KCTD1: variants seen among roughly 807,000 people sequenced by gnomAD.
KCTD1 encodes potassium channel tetramerization domain containing 1.
KCTD1 carries 24 observed loss-of-function variants against 66.0 expected under a neutral mutation model. That is an observed-to-expected ratio of 0.36 (90% CI 0.26 to 0.51). KCTD1 has a LOEUF of 0.51. Among genes scored for constraint, KCTD1 ranks in the 20% least tolerant of loss-of-function variants. The pLI, the probability that KCTD1 is intolerant of heterozygous loss-of-function variation, is 0.95. For synonymous variants in KCTD1, 511 were observed against 517.2 expected, an observed-to-expected ratio of 0.99 and a Z score of 0.16; for missense variants, 943 against 1,205.2, an observed-to-expected ratio of 0.78 and a Z score of 3.22.
intron 1 of KCTD1, among the ~76,000 whole-genome samples, chr18:26,615,280 G>C (rs1441648182): frequency 6.6e-6 from 1 of 152,158 alleles, no homozygotes; most frequent in Non-Finnish European, 1.5e-5. Flanking sequence ...CCAAACCTGT[G>C]AGTCAGGTGA....
intron 4 of KCTD1, chr18:26,457,735 C>T (rs1980170867): frequency 1.3e-5 from 2 of 152,220 alleles, no homozygotes; most frequent in African/African-American, 4.8e-5. Flanking sequence ...CACACAACAA[C>T]TTAGTGAGGT....
intron 1 of KCTD1, among the ~76,000 whole-genome samples, chr18:26,601,665 A>G (rs1337151191): frequency 6.6e-6 from 1 of 152,146 alleles, no homozygotes; most frequent in Non-Finnish European, 1.5e-5. Context: ...TGCCTTTCCA[A>G]TTCTTTAGGT....
chr18:26,629,943 C>A (rs1598975058), upstream of KCTD1, among the ~76,000 whole-genome samples: 5 of 152,212 alleles, frequency 3.3e-5, no homozygotes, highest in Admixed American at 3.3e-4. Flanking sequence ...GTTCTAACTC[C>A]TGGAGCTTGG....
Position 26,547,115 on chromosome 18 carries a change from G to T in KCTD1, c.1422C>A (p.Pro474=). 6.5e-7 allele frequency: 1 copy of T among 1,549,716 alleles called. No homozygotes were observed. The highest frequency in any genetic ancestry group is 8.7e-7 in the Non-Finnish European group (1 of 1,146,848). The part of the protein sequence containing the change: ...IAGIGTKLGS[P]APQGCYAEAL... ...CCTCGGCGTAGCAGCCCTGCGGGGC[G>T]GGCGAGCCCAGCTTGGTGCCAATGC... Residue 474 remains proline, a synonymous_variant, in exon 1 of 5, where the codon CCC becomes CCA. Transcript: ENST00000580059.
upstream of KCTD1, among the ~76,000 whole-genome samples, chr18:26,641,110 G>C (rs932922331): frequency 6.6e-6 from 1 of 152,130 alleles, no homozygotes; most frequent in Admixed American, 6.5e-5. Context: ...AGCCTGGCTT[G>C]CTGTGTGTGT....
At chr18:26,545,842 T>A (rs1985185638) in intron 1 of KCTD1, 1 of 152,108 alleles carries the variant, frequency 6.6e-6, no homozygotes, top group Non-Finnish European at 1.5e-5. Context: ...TGGCACTGCT[T>A]AGACTTAAAT....
chr18:26,598,498 G>A (rs532170121), intron 1 of KCTD1, among the ~76,000 whole-genome samples: 19 of 88,600 alleles, frequency 2.1e-4, no homozygotes, highest in African/African-American at 7.3e-4. Context: ...ACACACACAC[G>A]TTTTTGATTT....
intron 1 of KCTD1, among the ~76,000 whole-genome samples, chr18:26,555,794 C>T (rs1217025962): frequency 6.6e-6 from 1 of 152,108 alleles, no homozygotes; most frequent in African/African-American, 2.4e-5. Context: ...ATGTCAGTTA[C>T]CATTTAATGA....
At chr18:26,493,124 T>A (rs536761339) in intron 2 of KCTD1, among the ~76,000 whole-genome samples, 20 of 152,292 alleles carry the variant, frequency 1.3e-4, no homozygotes, top group Admixed American at 1.2e-3. Context: ...CTGTCTATGA[T>A]GAGACTGAGT....
intron 1 of KCTD1, among the ~76,000 whole-genome samples, chr18:26,501,637 T>G (rs889406800): frequency 6.6e-6 from 1 of 152,236 alleles, no homozygotes; most frequent in Non-Finnish European, 1.5e-5. Flanking sequence ...ATAAAATGCG[T>G]ATGAGTTAGC....
At chr18:26,549,280 G>A, upstream of KCTD1, 2 of 985,332 alleles carry the variant, frequency 2.0e-6, no homozygotes, top group Non-Finnish European at 2.4e-6. Context: ...GGGGCCAGCC[G>A]CGCGGCTCCC....
intron 1 of KCTD1, among the ~76,000 whole-genome samples, chr18:26,521,177 G>T (rs911500935): frequency 4.6e-5 from 7 of 152,240 alleles, no homozygotes; most frequent in Admixed American, 2.0e-4. Flanking sequence ...GATCATCACA[G>T]AGGGGCTTTG....
intron 2 of KCTD1, among the ~76,000 whole-genome samples, chr18:26,494,079 G>C (rs145032363): frequency 1.0e-3 from 153 of 152,254 alleles, no homozygotes; most frequent in Non-Finnish European, 1.7e-3. Context: ...TTGAAAGAAT[G>C]AAAGAACGGG....
intron 1 of KCTD1, among the ~76,000 whole-genome samples, chr18:26,638,471 C>T (rs1421191736): frequency 6.6e-6 from 1 of 152,256 alleles, no homozygotes; most frequent in African/African-American, 2.4e-5. Context: ...GTAGCAGCAG[C>T]CGCAGTGGAG....
At chr18:26,581,453 G>A (rs28366472) in intron 1 of KCTD1, 4,608 of 152,164 alleles carry the variant, frequency 0.03, 119 homozygotes, top group African/African-American at 0.074. Flanking sequence ...AGATGAGATG[G>A]CACTATGTTG....
chr18:26,573,990 C>T (rs1287741855), intron 1 of KCTD1, among the ~76,000 whole-genome samples: 1 of 152,020 alleles, frequency 6.6e-6, no homozygotes, highest in Non-Finnish European at 1.5e-5. Flanking sequence ...CCAAAAGACC[C>T]CCCAGGTTTC....
intron 1 of KCTD1, among the ~76,000 whole-genome samples, chr18:26,560,655 G>A (rs979154958): frequency 6.6e-6 from 1 of 152,082 alleles, no homozygotes; most frequent in Non-Finnish European, 1.5e-5. Context: ...TGTGTTCTGG[G>A]GTGTGTTTAG....
At chr18:26,606,081 T>C (rs524846) in intron 1 of KCTD1, among the ~76,000 whole-genome samples, 53,366 of 151,982 alleles carry the variant, frequency 0.35, 9,498 homozygotes, top group Non-Finnish European at 0.39. Flanking sequence ...GATTTAAAAA[T>C]GTTCTGATTG....
intron 1 of KCTD1, among the ~76,000 whole-genome samples, chr18:26,505,065 T>C (rs1304505372): frequency 2.6e-5 from 4 of 152,222 alleles, no homozygotes; most frequent in Non-Finnish European, 5.9e-5. Context: ...GGAAAATAAA[T>C]TTCTGTATTT....
Sources: gnomAD v4.1 joint callset for allele counts (sites outside exome capture counted in the v4.1 genomes callset) on GRCh38, gnomAD v4.1.1 for gene constraint, MANE v1.5 for transcripts, NCBI Gene and HGNC (gene_info 2026-07-23, HGNC 2026-07-21) for gene names.